Variants in PLK4 observed in about 807,000 individuals in gnomAD.
The protein encoded by PLK4 is serine/threonine-protein kinase PLK4.
Under a neutral mutation model 103.0 loss-of-function variants are expected in PLK4, and 51 were observed. That is an observed-to-expected ratio of 0.50 (90% CI 0.40 to 0.63). The LOEUF is 0.63. PLK4 is among the 20% of genes least tolerant of loss of function. The probability of loss-of-function intolerance (pLI) is 0.00; values close to 1 mark genes in which losing one functional copy is unlikely to be tolerated. For missense variants in PLK4, 1,054 were observed against 1,151.0 expected (o/e 0.92, Z 1.22); for synonymous variants, 389 against 376.8 (o/e 1.03, Z -0.38).
Position 127,896,750 on chromosome 4 carries a change from G to T in PLK4, c.2704-51G>T, listed in dbSNP as rs759229419. On this transcript the variant is annotated intron_variant, in intron 14 of 15. Coordinates refer to ENST00000270861, the MANE Select transcript of PLK4 (RefSeq NM_014264.5). Reference sequence around the variant, plus strand: ...AGTAATTTTGTGTGCTACTACTGCTGTTTTTTTTTTTTTCTGTGCCTGTTC... The same window carrying T: ...AGTAATTTTGTGTGCTACTACTGCTTTTTTTTTTTTTTTCTGTGCCTGTTC... The T allele has an allele frequency of 1.4e-3, 1,164 of 822,032 alleles. 12 individuals carry two copies. In the African/African-American group the frequency reaches 0.019, roughly 13 times the overall value. The allele number at this position is 822,032 out of a possible 1,614,324, so 50.9% of individuals were successfully genotyped here. A position where few individuals can be genotyped will look rare whatever the true frequency, so the allele number is the denominator to read the frequency against.
At chr4:127,894,576 A>G (rs903135566) in intron 13 of PLK4, among the ~76,000 whole-genome samples, 2 of 152,172 alleles carry the variant, frequency 1.3e-5, no homozygotes, top group South Asian at 2.1e-4. Flanking sequence ...CTAAATGCTC[A>G]TGATAGACTC....
chr4:127,886,393 C>G lies in PLK4; in HGVS notation c.1023C>G (p.Asn341Lys). 1.2e-6 allele frequency: 2 copies of G among 1,613,770 alleles called. No homozygotes were observed. Among genetic ancestry groups the G allele is most frequent in the East Asian group, 4.5e-5 (2 of 44,872 alleles). Residue 341 changes from asparagine (N) to lysine (K), a missense_variant, in exon 5 of 16, where the codon AAC (asparagine) becomes AAG (lysine). Physicochemically the swap from Asn to Lys is moderately conservative, Grantham distance 94. Coordinates refer to ENST00000270861, the MANE Select transcript of PLK4 (RefSeq NM_014264.5). ...STDFSSSGDG[N>K]SFYTQWGNQE... is the part of the protein sequence containing the mutation. ...ATTTTTCTTCTTCAGGAGATGGAAACAGTTTTTATACTCAGTGGGGAAATC... is the reference window on the plus strand; with the variant it reads ...ATTTTTCTTCTTCAGGAGATGGAAAGAGTTTTTATACTCAGTGGGGAAATC...
chr4:127,895,006 C>G lies in PLK4; in HGVS notation c.2616C>G (p.Ile872Met). The stretch of plus-strand genomic sequence containing the variant: ...CAACTACAGCTTCTGGAACAGACAT[C>G]TCTTCTAATAGTCTAAAAGATTGTC... ...GLTTTASGTD[I>M]SSNSLKDCLP... The change falls in exon 14 of 16, where the codon ATC (isoleucine) becomes ATG (methionine). Residue 872 changes from isoleucine (I) to methionine (M), a missense_variant. Transcript: ENST00000270861. 6.2e-7 allele frequency: 1 copy of G among 1,604,662 alleles called. No homozygotes were observed.
chr4:127,888,144 C>T (rs1164213584), intron 6 of PLK4, among the ~76,000 whole-genome samples: 3 of 117,596 alleles, frequency 2.6e-5, no homozygotes, highest in African/African-American at 6.6e-5. Flanking sequence ...CACGCCACTG[C>T]ACTCCAGTCT....
chr4:127,881,126 C>T lies in PLK4; in HGVS notation c.-9C>T. ...CTAATCCGGAGAACCCAGGCCAGAG[C>T]CTGGAAATATGGCGACCTGCATCGG... On this transcript the variant is annotated 5_prime_UTR_variant, in exon 1 of 16. Transcript: ENST00000270861. 1.2e-6 allele frequency: 2 copies of T among 1,613,928 alleles called. No homozygotes were observed. Among genetic ancestry groups the T allele is most frequent in the Non-Finnish European group, 1.7e-6 (2 of 1,179,978 alleles).
At position 127,885,788 on chromosome 4, in the gene PLK4, T is replaced by C; in HGVS notation, c.418T>C (p.Ser140Pro). The C allele has an allele frequency of 1.2e-6, 2 of 1,613,944 alleles. No homozygotes were observed. The highest frequency in any genetic ancestry group is 1.7e-6 in the Non-Finnish European group (2 of 1,179,820). ...HGILHRDLTL[S>P]NLLLTRNMNI... ...TATACTACACCGGGACCTCACACTT[T>C]CTAACCTCCTACTGACTCGTAATAT... Residue 140 changes from serine to proline, a missense_variant, in exon 5 of 16, where the codon TCT (serine) becomes CCT (proline). Physicochemically the swap from Ser to Pro is moderately conservative, Grantham distance 74. Coordinates refer to ENST00000270861, the MANE Select transcript of PLK4 (RefSeq NM_014264.5).
intron 4 of PLK4, among the ~76,000 whole-genome samples, chr4:127,884,357 G>A (rs1474558938): frequency 2.0e-5 from 3 of 152,082 alleles, no homozygotes; most frequent in Non-Finnish European, 2.9e-5. Context: ...AAAACAATTC[G>A]GACATATGTA....
Position 127,894,876 on chromosome 4 carries a change from A to G in PLK4, c.2563-77A>G, listed in dbSNP as rs1401236589. ...AAAAATTAAGCTAATGAAAAATCTC[A>G]TAATTGTCTGCTTTTGCTGAATGTG... On this transcript the variant is annotated intron_variant, in intron 13 of 15. Transcript: ENST00000270861. The G allele has an allele frequency of 9.3e-6, 9 of 966,720 alleles. No homozygotes were observed. The Admixed American group carries it at 1.5e-4, about 16-fold the overall frequency. The allele number at this position is 966,720 out of a possible 1,614,324, so 59.9% of individuals were successfully genotyped here.
intron 14 of PLK4, among the ~76,000 whole-genome samples, chr4:127,895,508 G>A (rs1479443083): frequency 1.8e-5 from 2 of 112,130 alleles, no homozygotes; most frequent in African/African-American, 7.0e-5. Flanking sequence ...TGCAAGCTCC[G>A]CCTCCTGGGT....
chr4:127,897,861 G>A (rs1735634680), intron 15 of PLK4, among the ~76,000 whole-genome samples: 1 of 10,412 alleles, frequency 9.6e-5, no homozygotes, highest in African/African-American at 3.9e-4. Flanking sequence ...TTTTTTTTGA[G>A]ACAGAGTCTC....
Position 127,893,861 on chromosome 4 carries a change from G to A in PLK4, c.2542G>A (p.Ala848Thr). Reference sequence around the variant, plus strand: ...GCATAGTGCTGCTTCTCCAACACAGGCACCAATCCTTAATCCCTCTGTAAG... The same window carrying A: ...GCATAGTGCTGCTTCTCCAACACAGACACCAATCCTTAATCCCTCTGTAAG... ...VMHSAASPTQ[A>T]PILNPSMVTN... The change falls in exon 13 of 16, where the codon GCA becomes ACA. Residue 848 changes from alanine to threonine, a missense_variant. Physicochemically the swap from Ala to Thr is moderately conservative, Grantham distance 58 (BLOSUM62 0). Coordinates refer to ENST00000270861, the MANE Select transcript of PLK4 (RefSeq NM_014264.5). 1.3e-6 allele frequency: 2 copies of A among 1,574,252 alleles called. No individual in the cohort carries two copies. The highest frequency in any genetic ancestry group is 1.7e-6 in the Non-Finnish European group (2 of 1,144,458).
chr4:127,898,215 T>A (rs1329630913), intron 15 of PLK4, among the ~76,000 whole-genome samples: 3 of 152,184 alleles, frequency 2.0e-5, no homozygotes, highest in African/African-American at 7.2e-5. Flanking sequence ...TTTATCTAAT[T>A]TTCCTTCTGT....
At position 127,886,425 on chromosome 4, in the gene PLK4, C is replaced by T. The variant is rs1735132188; in HGVS notation, c.1055C>T (p.Thr352Ile). The T allele has an allele frequency of 6.2e-7, 1 of 1,613,830 alleles. No individual in the cohort carries two copies. Among genetic ancestry groups the T allele is most frequent in the Non-Finnish European group, 8.5e-7 (1 of 1,179,898 alleles). ...SFYTQWGNQE[T>I]SNSGRGRVIQ... ...TATACTCAGTGGGGAAATCAAGAAACCAGTAATAGTGGAAGGGGAAGAGTA... is the reference window on the plus strand; with the variant it reads ...TATACTCAGTGGGGAAATCAAGAAATCAGTAATAGTGGAAGGGGAAGAGTA... The change falls in exon 5 of 16, where the codon ACC becomes ATC. Residue 352 changes from threonine (T) to isoleucine (I), a missense_variant. Thr to Ile is a moderately conservative substitution (Grantham distance 89). Around this residue, in one of 4 missense-constraint regions of PLK4, gnomAD observed 680 missense variants for 660.3 expected, o/e 1.03. Coordinates refer to ENST00000270861, the MANE Select transcript of PLK4 (RefSeq NM_014264.5).
chr4:127,886,947 T>G (rs552320803), intron 5 of PLK4, among the ~76,000 whole-genome samples: 1 of 152,286 alleles, frequency 6.6e-6, no homozygotes, highest in African/African-American at 2.4e-5. Flanking sequence ...TTAGCCTCAT[T>G]TTTTAATTTT....
rs1483464497 is a variant in PLK4 at position 127,887,430 on chromosome 4, C to G, written c.1393C>G (p.Pro465Ala). The G allele has an allele frequency of 3.1e-6, 5 of 1,611,548 alleles. No individual in the cohort carries two copies. The highest frequency in any genetic ancestry group is 4.2e-6 in the Non-Finnish European group (5 of 1,178,254). The change falls in exon 6 of 16, where the codon CCA (proline) becomes GCA (alanine). Residue 465 changes from proline (P) to alanine (A), a missense_variant. Coordinates refer to ENST00000270861, the MANE Select transcript of PLK4 (RefSeq NM_014264.5). ...NHLCPGKTPF[P>A]FADPTPQTET... The stretch of plus-strand genomic sequence containing the variant: ...TCTTTGTCCAGGAAAAACTCCTTTT[C>G]CATTTGCAGACCCGACACCTCAGAC...
In PLK4 at chr4:127,889,901, A is replaced by T. The variant is rs1735282415; in HGVS notation, c.1495A>T (p.Ser499Cys). The change falls in exon 7 of 16, where the codon AGC (serine) becomes TGC (cysteine). Residue 499 changes from serine (S) to cysteine (C), a missense_variant. Physicochemically the swap from Ser to Cys is moderately radical, Grantham distance 112. Around this residue, in one of 4 missense-constraint regions of PLK4, gnomAD observed 680 missense variants for 660.3 expected, o/e 1.03. Transcript: ENST00000270861. ...AAAAACTACTGAATATGACAGCATC[A>T]GCCCAAACCGGGACTTCCAGGGCCA... Reference protein sequence around the residue: ...LRKTTEYDSISPNRDFQGHPD... With the variant: ...LRKTTEYDSICPNRDFQGHPD... The T allele has an allele frequency of 6.2e-7, 1 of 1,610,846 alleles. No individual in the cohort carries two copies.
intron 1 of PLK4, chr4:127,881,516 G>A (rs1578748712): frequency 6.0e-6 from 5 of 831,132 alleles, no homozygotes; most frequent in East Asian, 6.4e-5. Flanking sequence ...GCTGCGGCGG[G>A]ATTCTGACCG....
rs927011893 is a variant in PLK4, at chr4:127,891,502, T to C, written c.1936-77T>C. On this transcript the variant is annotated intron_variant, in intron 8 of 15. Coordinates refer to ENST00000270861, the MANE Select transcript of PLK4 (RefSeq NM_014264.5). ...AATATTTAATGTTACATTTAAACACTTTGTATACGTTTTAGCAAGATATAG... is the reference window on the plus strand; with the variant it reads ...AATATTTAATGTTACATTTAAACACCTTGTATACGTTTTAGCAAGATATAG... The C allele has an allele frequency of 7.3e-6, 4 of 548,052 alleles. No individual in the cohort carries two copies. In the African/African-American group the frequency reaches 7.7e-5, roughly 11 times the overall value. The allele number at this position is 548,052 out of a possible 1,614,324, so 33.9% of individuals were successfully genotyped here.
intron 1 of PLK4, chr4:127,881,377 C>G (rs1223886110): frequency 2.1e-6 from 3 of 1,429,696 alleles, no homozygotes; most frequent in African/African-American, 2.9e-5. Flanking sequence ...ACAGGTGAGT[C>G]CCTCCCCGCC....
Sources: allele counts gnomAD v4.1 joint callset (sites outside exome capture counted in the v4.1 genomes callset), GRCh38; gene constraint gnomAD v4.1.1; regional missense constraint gnomAD v4.1.1; transcripts MANE v1.5; gene names NCBI Gene and HGNC (gene_info 2026-07-23, HGNC 2026-07-21).